MYT1: variants seen among roughly 807,000 people sequenced by gnomAD.
MYT1 encodes the protein myelin transcription factor 1, also known as myelin transcription factor I.
Under a neutral mutation model 123.0 loss-of-function variants are expected in MYT1, and 23 were observed. The ratio of observed to expected loss-of-function variants is 0.19; its 90% confidence interval spans 0.13 to 0.26. The LOEUF is 0.26. MYT1 is among the 10% of genes least tolerant of loss of function. The pLI is 1.00. For synonymous variants in MYT1, 518 were observed against 575.3 expected, an observed-to-expected ratio of 0.90 and a Z score of 1.43; for missense variants, 1,125 against 1,472.5, an observed-to-expected ratio of 0.76 and a Z score of 3.86.
At chr20:64,229,804 G>A (rs907001233) in intron 18 of MYT1, among the ~76,000 whole-genome samples, 9 of 152,196 alleles carry the variant, frequency 5.9e-5, no homozygotes, top group African/African-American at 2.2e-4. Context: ...GCGCTTGGTG[G>A]TAAATCCCTT....
At chr20:64,195,400 A>AGTTTTT (rs1568704696) in intron 2 of MYT1, among the ~76,000 whole-genome samples, 4 of 7,826 alleles carry the variant, frequency 5.1e-4, no homozygotes, top group Non-Finnish European at 9.8e-4. Context: ...GTGTGTGTAT[A>AGTTTTT]CTTTTTTTTT....
In MYT1 at chr20:64,219,976, T is replaced by A. The variant is rs377585189; in HGVS notation, c.2235T>A (p.Pro745=). ...CTAGCCGCCTGAGAGAGGAGGAACC[T>A]GAGGAGGTGGGTGCAGGCGCCTGGG... ...TKPSRLREEE[P]EESEPAAHSF... Residue 745 remains proline (P), a synonymous_variant, in exon 13 of 23, where the codon CCT becomes CCA. Coordinates refer to ENST00000328439, the MANE Select transcript of MYT1 (RefSeq NM_004535.3). 20 of 1,492,764 alleles carry A rather than the reference T, an allele frequency of 1.3e-5. 1 individual carries two copies. Among genetic ancestry groups the A allele is most frequent in the Non-Finnish European group, 1.7e-5 (19 of 1,117,992 alleles). 92.5% of individuals were successfully genotyped at this position (1,492,764 alleles called of 1,614,324 possible).
At chr20:64,216,644 AG>A (rs1164792645) in intron 10 of MYT1, among the ~76,000 whole-genome samples, 2 of 152,182 alleles carry the variant, frequency 1.3e-5, no homozygotes, top group Non-Finnish European at 2.9e-5. Context: ...GGGGAGTTCT[AG>A]GTTATGCTGC....
At position 64,235,880 on chromosome 20, in the gene MYT1, T is replaced by C. The variant is rs1354345924; in HGVS notation, c.2898-675T>C. 9.4e-4 allele frequency among the ~76,000 whole-genome samples: 78 copies of C among 83,106 alleles called. 2 individuals carry two copies. The highest frequency in any genetic ancestry group is 4.6e-3 in the East Asian group (10 of 2,160). The allele number at this position is 83,106 out of a possible 152,430, so 54.5% of individuals were successfully genotyped here. On this transcript the variant is annotated intron_variant, in intron 19 of 22. Transcript: ENST00000328439. ...GCCGTGGTGGGTGACGCTGGGATGG[T>C]CATGGTGGGTGACCCTGGGATGGCC...
intron 1 of MYT1, among the ~76,000 whole-genome samples, chr20:64,176,776 G>A (rs1052277166): frequency 6.6e-6 from 1 of 152,224 alleles, no homozygotes; most frequent in African/African-American, 2.4e-5. Flanking sequence ...ACCCCGGGAG[G>A]GATGAATGTG....
At position 64,232,111 on chromosome 20, in the gene MYT1, C is replaced by T; in HGVS notation, c.2676-53C>T. On this transcript the variant is annotated intron_variant, in intron 18 of 22. Coordinates refer to ENST00000328439, the MANE Select transcript of MYT1 (RefSeq NM_004535.3). The surrounding 1 kb of genome is among the most constrained non-coding windows in gnomAD (Gnocchi z 6.9). ...TGTCTGGCTTGAGAGAGTCTCCAGG[C>T]TTCTCCTCCCAACCCTTCGCCCCTG... 6.4e-7 allele frequency: 1 copy of T among 1,572,774 alleles called. No individual in the cohort carries two copies. The highest frequency in any genetic ancestry group is 1.1e-5 in the South Asian group (1 of 89,964).
rs1982765395 is a variant in MYT1, at chr20:64,185,222, G to A, written c.-98-4841G>A. ...AATGGAGGGAAGAGTTGATATTCCTGGGAACTTTCATTGACAGTGGGAAGG... is the reference window on the plus strand; with the variant it reads ...AATGGAGGGAAGAGTTGATATTCCTAGGAACTTTCATTGACAGTGGGAAGG... On this transcript the variant is annotated intron_variant, in intron 1 of 22. Coordinates refer to ENST00000328439, the MANE Select transcript of MYT1 (RefSeq NM_004535.3). The surrounding 1 kb of genome is among the most constrained non-coding windows in gnomAD (Gnocchi z 4.5). Among the ~76,000 whole-genome samples the A allele has an allele frequency of 1.3e-5, 2 of 152,154 alleles. No homozygotes were observed. The highest frequency in any genetic ancestry group is 1.3e-4 in the Admixed American group (2 of 15,282).
chr20:64,231,408 C>G lies in MYT1; in HGVS notation c.2676-756C>G, dbSNP rs1192240014. Among the ~76,000 whole-genome samples, 3 of 152,186 alleles carry G rather than the reference C, an allele frequency of 2.0e-5. No individual in the cohort carries two copies. The highest frequency in any genetic ancestry group is 4.4e-5 in the Non-Finnish European group (3 of 68,034). ...CTGTTTGTCTCTGACCCACACTGAG[C>G]CCAAGGCATTTGCCAATCTGAATTT... On this transcript the variant is annotated intron_variant, in intron 18 of 22. Transcript: ENST00000328439. This position sits in a 1 kb window ranked among gnomAD's most constrained non-coding sequence, Gnocchi z 6.4.
At position 64,192,451 on chromosome 20, in the gene MYT1, G is replaced by A. The variant is rs983334187; in HGVS notation, c.-1+2291G>A. On this transcript the variant is annotated intron_variant, in intron 2 of 22. Transcript: ENST00000328439. The surrounding 1 kb of genome is among the most constrained non-coding windows in gnomAD (Gnocchi z 5.3). ...AATGTCACACAGCCACAGCAGCATC[G>A]GGGTCAGCCTTCCAGAGGCTGGCTT... is the stretch of plus-strand genomic sequence containing the variant. 2.0e-5 allele frequency among the ~76,000 whole-genome samples: 3 copies of A among 152,212 alleles called. No individual in the cohort carries two copies. Among genetic ancestry groups the A allele is most frequent in the Non-Finnish European group, 4.4e-5 (3 of 68,030 alleles).
rs1982068991 is a variant in MYT1 at position 64,166,010 on chromosome 20, T to C, written c.-99+1271T>C. Among the ~76,000 whole-genome samples the C allele has an allele frequency of 6.6e-6, 1 of 152,138 alleles. No homozygotes were observed. The highest frequency in any genetic ancestry group is 2.1e-4 in the South Asian group (1 of 4,832). ...AGCCTGTCCTGGCCTCACTCTGGCCTGGGGAGTGGGGGTGCTGTATCCTCT... is the reference window on the plus strand; with the variant it reads ...AGCCTGTCCTGGCCTCACTCTGGCCCGGGGAGTGGGGGTGCTGTATCCTCT... On this transcript the variant is annotated intron_variant, in intron 1 of 22. Coordinates refer to ENST00000328439, the MANE Select transcript of MYT1 (RefSeq NM_004535.3). This position sits in a 1 kb window ranked among gnomAD's most constrained non-coding sequence, Gnocchi z 4.9.
chr20:64,181,567 A>C (rs1387010347), intron 1 of MYT1, among the ~76,000 whole-genome samples: 1 of 152,190 alleles, frequency 6.6e-6, no homozygotes, highest in African/African-American at 2.4e-5. Flanking sequence ...GGGCTGGGCC[A>C]TATCTGCCCT....
Position 64,217,214 on chromosome 20 carries a change from G to A in MYT1, c.1779G>A (p.Gln593=), listed in dbSNP as rs1983863101. 6.2e-7 allele frequency: 1 copy of A among 1,614,282 alleles called. No individual in the cohort carries two copies. Among genetic ancestry groups the A allele is most frequent in the East Asian group, 2.2e-5 (1 of 44,886 alleles). The change falls in exon 11 of 23, where the codon CAG becomes CAA. Residue 593 remains glutamine, a synonymous_variant. Coordinates refer to ENST00000328439, the MANE Select transcript of MYT1 (RefSeq NM_004535.3). ...TTGACTACGCAAGTTTCGATGCTCA[G>A]GTTTTTGGCAAACGCATGCTTGCCC... ...VTFDYASFDA[Q]VFGKRMLAPK... is the part of the protein sequence containing the mutation.
At chr20:64,200,935 G>A (rs1040500941) in intron 4 of MYT1, among the ~76,000 whole-genome samples, 3 of 152,178 alleles carry the variant, frequency 2.0e-5, no homozygotes, top group Non-Finnish European at 4.4e-5. Context: ...CACAGGGGTC[G>A]GCTCCCTGGA....
At chr20:64,170,848 C>CATAT (rs1175817263) in intron 1 of MYT1, among the ~76,000 whole-genome samples, 435 of 15,974 alleles carry the variant, frequency 0.027, 39 homozygotes, top group South Asian at 0.034. Context: ...ACAAATTGGT[C>CATAT]ATATATATAT....
At chr20:64,214,529 C>T (rs1003941102) in intron 10 of MYT1, among the ~76,000 whole-genome samples, 1 of 152,176 alleles carries the variant, frequency 6.6e-6, no homozygotes, top group Non-Finnish European at 1.5e-5. Context: ...TGCCCAAGGC[C>T]ACCCTGCCCA....
chr20:64,173,378 G>T (rs1003318215), intron 1 of MYT1, among the ~76,000 whole-genome samples: 1 of 152,134 alleles, frequency 6.6e-6, no homozygotes, highest in Non-Finnish European at 1.5e-5. Flanking sequence ...CCCAGCCTGT[G>T]GCCTGGCCTA....
In MYT1 at chr20:64,192,547, G is replaced by A. The variant is rs1727540955; in HGVS notation, c.-1+2387G>A. On this transcript the variant is annotated intron_variant, in intron 2 of 22. Transcript: ENST00000328439. This position sits in a 1 kb window ranked among gnomAD's most constrained non-coding sequence, Gnocchi z 5.3. The stretch of plus-strand genomic sequence containing the variant: ...ACACACAAACCCTGTGCATGGGACC[G>A]TCACAGCCTGCGGCGTGCCTCTGAG... 6.6e-6 allele frequency among the ~76,000 whole-genome samples: 1 copy of A among 152,218 alleles called. No individual in the cohort carries two copies. The highest frequency in any genetic ancestry group is 2.4e-5 in the African/African-American group (1 of 41,458).
At chr20:64,171,248 G>A (rs1439596388) in intron 1 of MYT1, among the ~76,000 whole-genome samples, 8 of 152,082 alleles carry the variant, frequency 5.3e-5, no homozygotes, top group Admixed American at 6.6e-5. Context: ...GAGTTATGAC[G>A]TGCTGCAAGC....
In MYT1 at chr20:64,228,674, AG is replaced by A. The variant is rs1429187181; in HGVS notation, c.2675+706del. On this transcript the variant is annotated intron_variant, in intron 18 of 22. Coordinates refer to ENST00000328439, the MANE Select transcript of MYT1 (RefSeq NM_004535.3). ...GTCCTTACAAGCTTATTCTCCCAAT[AG>A]GGAACGGGTCCCCTGCACTGCCCAC... is the stretch of plus-strand genomic sequence containing the variant. Among the ~76,000 whole-genome samples, 15 of 152,312 alleles carry A rather than the reference AG, an allele frequency of 9.8e-5. 1 individual carries two copies. In the East Asian group the frequency reaches 2.9e-3, roughly 29 times the overall value.
Sources: gnomAD v4.1 joint callset for allele counts (sites outside exome capture counted in the v4.1 genomes callset) on GRCh38, gnomAD v4.1.1 for gene constraint, Gnocchi (gnomAD v3.1) non-coding constraint, MANE v1.5 for transcripts, NCBI Gene and HGNC (gene_info 2026-07-23, HGNC 2026-07-21) for gene names.